CEP83: variants seen among roughly 807,000 people sequenced by gnomAD.
The protein encoded by CEP83 is centrosomal protein 83, also known as centrosomal protein of 83 kDa.
Under a neutral mutation model 101.9 loss-of-function variants are expected in CEP83, and 70 were observed. That is an observed-to-expected ratio of 0.69 (90% CI 0.57 to 0.84). The LOEUF (loss-of-function observed/expected upper bound fraction) is 0.84, where lower values mean the gene tolerates loss of function less well. Among genes scored for constraint, CEP83 ranks in the 40% least tolerant of loss-of-function variants. CEP83 has a pLI of 0.00. For missense variants in CEP83, 715 were observed against 787.2 expected, an observed-to-expected ratio of 0.91 and a Z score of 1.10; for synonymous variants, 264 against 267.9, an observed-to-expected ratio of 0.99 and a Z score of 0.14.
At chr12:94,440,481 A>G (rs1236154035) in intron 1 of CEP83, among the ~76,000 whole-genome samples, 1 of 152,052 alleles carries the variant, frequency 6.6e-6, no homozygotes, top group Non-Finnish European at 1.5e-5. Context: ...ATACCTAACC[A>G]AGGAGGCGAA....
At chr12:94,369,848 C>G (rs2137038586) in intron 9 of CEP83, 74 bp downstream of exon 9, 2 of 790,872 alleles carry the variant, frequency 2.5e-6, no homozygotes, top group East Asian at 2.5e-5. Flanking sequence ...AATTCAGATT[C>G]AACTATTTTA....
intron 11 of CEP83, among the ~76,000 whole-genome samples, chr12:94,347,587 T>A (rs180711731): frequency 6.6e-6 from 1 of 152,292 alleles, no homozygotes; most frequent in Non-Finnish European, 1.5e-5. Flanking sequence ...AAAACATATT[T>A]CCACACAAAG....
intron 11 of CEP83, among the ~76,000 whole-genome samples, chr12:94,343,470 C>CTTTT (rs1161481202): frequency 1.5e-4 from 13 of 84,176 alleles, no homozygotes; most frequent in African/African-American, 2.6e-4. Context: ...TAGAAATTAA[C>CTTTT]TTTTTTTTTT....
chr12:94,433,993 G>A (rs575126868), intron 2 of CEP83: 1 of 152,156 alleles, frequency 6.6e-6, no homozygotes, highest in South Asian at 2.1e-4. Context: ...AAAACACTCA[G>A]AATAACTACC....
chr12:94,340,757 CTT>C (rs2059648034), intron 11 of CEP83, among the ~76,000 whole-genome samples: 3 of 152,136 alleles, frequency 2.0e-5, no homozygotes, highest in African/African-American at 7.2e-5. Flanking sequence ...ACTTTTTAAA[CTT>C]GAGTTTGCTA....
At position 94,399,894 on chromosome 12, in the gene CEP83, T is replaced by G. The variant is rs1232451910; in HGVS notation, c.549+956A>C. 4.6e-5 allele frequency among the ~76,000 whole-genome samples: 7 copies of G among 152,216 alleles called. 1 individual carries two copies. The highest frequency in any genetic ancestry group is 3.9e-4 in the Admixed American group (6 of 15,286). ...TAGTGTTCTGGTACTACACTGTCAA[T>G]GGACACAAATGTTCCAAGGTTCATA... On this transcript the variant is annotated intron_variant, in intron 6 of 16. Coordinates refer to ENST00000397809, the MANE Select transcript of CEP83 (RefSeq NM_016122.3).
At chr12:94,437,057 C>T (rs1410702864) in intron 1 of CEP83, among the ~76,000 whole-genome samples, 1 of 151,764 alleles carries the variant, frequency 6.6e-6, no homozygotes, top group Non-Finnish European at 1.5e-5. Context: ...CAAATACAAG[C>T]AGCTTGGCCA....
intron 2 of CEP83, among the ~76,000 whole-genome samples, chr12:94,431,164 G>A (rs550648755): frequency 1.3e-5 from 2 of 152,226 alleles, no homozygotes; most frequent in Admixed American, 1.3e-4. Flanking sequence ...ATCTAATTTT[G>A]ACAAAGGCAC....
chr12:94,310,569 A>T (rs1969698729), intron 15 of CEP83, among the ~76,000 whole-genome samples: 1 of 152,200 alleles, frequency 6.6e-6, no homozygotes, highest in Non-Finnish European at 1.5e-5. Flanking sequence ...TCAGCCCTGC[A>T]GAACCCTCAT....
chr12:94,286,322 G>A, the CEP83 span, among the ~76,000 whole-genome samples: 1 of 152,148 alleles, frequency 6.6e-6, no homozygotes, highest in Non-Finnish European at 1.5e-5. Context: ...TGGGCTCCAT[G>A]TTCTCTATGC....
At chr12:94,436,304 G>A (rs1011207353) in intron 1 of CEP83, among the ~76,000 whole-genome samples, 1 of 150,734 alleles carries the variant, frequency 6.6e-6, no homozygotes, top group African/African-American at 2.4e-5. Context: ...CTAGAGAAAA[G>A]TGAAAAACAA....
At chr12:94,394,889 C>T (rs1593682353) in intron 6 of CEP83, among the ~76,000 whole-genome samples, 1 of 152,202 alleles carries the variant, frequency 6.6e-6, no homozygotes. Flanking sequence ...CATCACTGGT[C>T]ATCAGAGAAA....
chr12:94,387,335 T>G (rs893172593), intron 6 of CEP83, among the ~76,000 whole-genome samples: 1 of 152,152 alleles, frequency 6.6e-6, no homozygotes, highest in Non-Finnish European at 1.5e-5. Flanking sequence ...TAGATTCTCA[T>G]AGTGGTGTGA....
chr12:94,363,947 CAA>C (rs376859752), intron 11 of CEP83, among the ~76,000 whole-genome samples: 32 of 59,458 alleles, frequency 5.4e-4, no homozygotes, highest in Non-Finnish European at 4.3e-4. Flanking sequence ...GACGCTGTCT[CAA>C]AAAAAAAAAA....
intron 2 of CEP83, chr12:94,424,372 A>G (rs1184480533): frequency 3.1e-6 from 5 of 1,613,880 alleles, no homozygotes; most frequent in African/African-American, 1.3e-5. Flanking sequence ...GTGTCTTAAT[A>G]TATTTTCCAT....
At chr12:94,324,306 T>C (rs936722578) in intron 14 of CEP83, among the ~76,000 whole-genome samples, 1 of 152,250 alleles carries the variant, frequency 6.6e-6, no homozygotes, top group Non-Finnish European at 1.5e-5. Context: ...ATTTCATTAA[T>C]AGATACAGGA....
rs771273063 is a variant in CEP83 at position 94,308,884 on chromosome 12, G to A, written c.2035C>T (p.Arg679Cys). ...GTTTCCAGTTCTTCTAGTCTTTTGCGAAGTAGAGAGAGTTCCCTTTGATGT... is the reference window on the plus strand; with the variant it reads ...GTTTCCAGTTCTTCTAGTCTTTTGCAAAGTAGAGAGAGTTCCCTTTGATGT... ...EQHQRELSLLRKRLEELETTQ... is the reference protein window; with the variant it reads ...EQHQRELSLLCKRLEELETTQ... Residue 679 changes from arginine to cysteine, a missense_variant, in exon 17 of 17, where the codon CGC becomes TGC. Coordinates refer to ENST00000397809, the MANE Select transcript of CEP83 (RefSeq NM_016122.3). The A allele has an allele frequency of 1.4e-5, 22 of 1,611,862 alleles. No individual in the cohort carries two copies. The highest frequency in any genetic ancestry group is 1.3e-4 in the South Asian group (12 of 91,014).
chr12:94,300,579 A>G, the CEP83 span, among the ~76,000 whole-genome samples: 1 of 152,142 alleles, frequency 6.6e-6, no homozygotes, highest in Non-Finnish European at 1.5e-5. Flanking sequence ...TGTTGAGAGG[A>G]CTGCTGATAG....
chr12:94,315,570 T>C (rs761964139), intron 14 of CEP83, among the ~76,000 whole-genome samples: 4 of 152,128 alleles, frequency 2.6e-5, no homozygotes, highest in Admixed American at 6.5e-5. Flanking sequence ...AATAAAAAGA[T>C]TTTAATTTAA....
Sources: gnomAD v4.1 joint callset for allele counts (sites outside exome capture counted in the v4.1 genomes callset) on GRCh38, gnomAD v4.1.1 for gene constraint, MANE v1.5 for transcripts, NCBI Gene and HGNC (gene_info 2026-07-23, HGNC 2026-07-21) for gene names.